Variants in MGAT4C observed in about 807,000 individuals in gnomAD.
MGAT4C encodes alpha-1,3-mannosyl-glycoprotein 4-beta-N-acetylglucosaminyltransferase C.
Under a neutral mutation model 40.1 loss-of-function variants are expected in MGAT4C, and 19 were observed. The ratio of observed to expected loss-of-function variants is 0.47; its 90% CI spans 0.33 to 0.70. MGAT4C has a LOEUF of 0.70. Among genes scored for constraint, MGAT4C ranks in the 30% least tolerant of loss-of-function variants. The pLI is 0.02. For missense variants in MGAT4C, 491 were observed against 563.2 expected (o/e 0.87, Z 1.30); for synonymous variants, 181 against 187.1 (o/e 0.97, Z 0.27).
Position 86,363,506 on chromosome 12 carries a change from A to T in MGAT4C, c.-119-29379T>A, listed in dbSNP as rs73389320. Among the ~76,000 whole-genome samples, 496 of 152,176 alleles carry T rather than the reference A, an allele frequency of 3.3e-3. 2 individuals carry two copies. Among genetic ancestry groups the T allele is most frequent in the African/African-American group, 0.012 (483 of 41,560 alleles). On this transcript the variant is annotated intron_variant, in intron 3 of 7. Transcript: ENST00000548651. ...ATAGCATTGAATGCTTACATTAGAAAAGAAAAAAATTCTCAAATCAGTAAC... is the reference window on the plus strand; with the variant it reads ...ATAGCATTGAATGCTTACATTAGAATAGAAAAAAATTCTCAAATCAGTAAC...
intron 1 of MGAT4C, among the ~76,000 whole-genome samples, chr12:86,057,553 T>C (rs557375532): frequency 3.9e-5 from 6 of 152,296 alleles, no homozygotes; most frequent in South Asian, 2.1e-4. Context: ...TCCATTTTCC[T>C]AGACAATACT....
chr12:86,601,487 C>T (rs1490072450), intron 2 of MGAT4C, among the ~76,000 whole-genome samples: 2 of 152,086 alleles, frequency 1.3e-5, no homozygotes, highest in Non-Finnish European at 2.9e-5. Flanking sequence ...ATAGCGGTTA[C>T]CTGTGTCCGG....
chr12:86,032,065 C>T lies in MGAT4C; in HGVS notation c.-7+17609G>A, dbSNP rs193150482. On this transcript the variant is annotated intron_variant, in intron 2 of 4. Coordinates refer to ENST00000611864, the MANE Select transcript of MGAT4C (RefSeq NM_001351288.2). Reference sequence around the variant, plus strand: ...GTTCACTTAGGATAATGGCCTCCATCTCCATCTGTGTTGCTGCAAAGGACA... The same window carrying T: ...GTTCACTTAGGATAATGGCCTCCATTTCCATCTGTGTTGCTGCAAAGGACA... 7.1e-3 allele frequency among the ~76,000 whole-genome samples: 1,080 copies of T among 151,984 alleles called. 14 individuals carry two copies. Among genetic ancestry groups the T allele is most frequent in the African/African-American group, 0.024 (1,005 of 41,496 alleles).
chr12:86,124,112 C>T (rs985056435), intron 1 of MGAT4C, among the ~76,000 whole-genome samples: 3 of 151,972 alleles, frequency 2.0e-5, no homozygotes, highest in Admixed American at 6.6e-5. Context: ...AAAGATAACA[C>T]GGACTGTATA....
intron 3 of MGAT4C, among the ~76,000 whole-genome samples, chr12:86,350,120 G>T (rs1024421481): frequency 6.6e-6 from 1 of 152,040 alleles, no homozygotes; most frequent in Admixed American, 6.6e-5. Context: ...TTTAGGGCTT[G>T]CTTCTCTTAT....
At chr12:86,438,052 A>C (rs945361832) in intron 2 of MGAT4C, among the ~76,000 whole-genome samples, 1 of 151,976 alleles carries the variant, frequency 6.6e-6, no homozygotes, top group African/African-American at 2.4e-5. Flanking sequence ...TTAGTGAGGA[A>C]GGCATGTCAA....
At position 86,097,991 on chromosome 12, in the gene MGAT4C, G is replaced by A. The variant is rs545403129; in HGVS notation, c.-56-48268C>T. Among the ~76,000 whole-genome samples the A allele has an allele frequency of 2.1e-4, 32 of 151,686 alleles. 1 individual carries two copies. In the South Asian group the frequency reaches 6.6e-3, roughly 31 times the overall value. On this transcript the variant is annotated intron_variant, in intron 1 of 4. Coordinates refer to ENST00000611864, the MANE Select transcript of MGAT4C (RefSeq NM_001351288.2). ...CCTGTCATTTGACACTCATCCTGAAGGAAGGAACACCTGCCTGAATTACAT... is the reference window on the plus strand; with the variant it reads ...CCTGTCATTTGACACTCATCCTGAAAGAAGGAACACCTGCCTGAATTACAT...
At position 86,482,787 on chromosome 12, in the gene MGAT4C, C is replaced by T. The variant is rs539895342; in HGVS notation, c.-228-47522G>A. Among the ~76,000 whole-genome samples the T allele has an allele frequency of 3.1e-4, 47 of 152,184 alleles. 1 individual carries two copies. In the East Asian group the frequency reaches 3.3e-3, roughly 11 times the overall value. On this transcript the variant is annotated intron_variant, in intron 2 of 7. Coordinates refer to the MGAT4C transcript ENST00000548651. Reference sequence around the variant, plus strand: ...GAAATTATAGTCATATATGATACAACGCATAATTTTCTTTAGGTCACAGAA... The same window carrying T: ...GAAATTATAGTCATATATGATACAATGCATAATTTTCTTTAGGTCACAGAA...
chr12:85,992,515 A>G (rs973801974), intron 2 of MGAT4C, among the ~76,000 whole-genome samples: 10 of 152,194 alleles, frequency 6.6e-5, no homozygotes, highest in African/African-American at 1.9e-4. Context: ...CAAGGTTCCC[A>G]TCTCTTCTTT....
intron 1 of MGAT4C, among the ~76,000 whole-genome samples, chr12:86,240,452 TAAC>T (rs1032958866): frequency 7.9e-5 from 12 of 152,224 alleles, no homozygotes; most frequent in African/African-American, 2.9e-4. Context: ...TGTGGGTTTT[TAAC>T]AACAATATTT....
At chr12:86,395,416 C>A (rs867328492) in intron 3 of MGAT4C, among the ~76,000 whole-genome samples, 1 of 152,072 alleles carries the variant, frequency 6.6e-6, no homozygotes, top group Non-Finnish European at 1.5e-5. Flanking sequence ...ACATTCAGGA[C>A]ATTTTTAAAT....
chr12:86,452,831 G>A (rs1957449067), intron 2 of MGAT4C, among the ~76,000 whole-genome samples: 2 of 152,140 alleles, frequency 1.3e-5, no homozygotes, highest in South Asian at 4.1e-4. Context: ...GACTGTATTT[G>A]TCTATTCAGA....
At chr12:86,514,310 G>T (rs940994226) in intron 2 of MGAT4C, among the ~76,000 whole-genome samples, 8 of 152,022 alleles carry the variant, frequency 5.3e-5, no homozygotes, top group Non-Finnish European at 1.0e-4. Flanking sequence ...TGCCAGAGGG[G>T]GATCTGTATC....
intron 2 of MGAT4C, among the ~76,000 whole-genome samples, chr12:86,517,648 GTTTGTTTA>G (rs1253852991): frequency 2.6e-5 from 4 of 151,854 alleles, no homozygotes; most frequent in East Asian, 1.9e-4. Context: ...TTGTTTGTTT[GTTTGTTTA>G]TTTATTTAGA....
In MGAT4C at chr12:85,980,410, A is replaced by G; in HGVS notation, c.316T>C (p.Ser106Pro). The stretch of plus-strand genomic sequence containing the variant: ...TTTCCTTTTTTTCGCTTTACTGAAG[A>G]AAGTCCAATTGTAAGATACCCTGCA... ...QRKRYLTIGL[S>P]SVKRKKGNYL... is the part of the protein sequence containing the mutation. The change falls in exon 5 of 5, where the codon TCT becomes CCT. Residue 106 changes from serine to proline, a missense_variant. Ser to Pro is a moderately conservative substitution (Grantham distance 74). Coordinates refer to ENST00000611864, the MANE Select transcript of MGAT4C (RefSeq NM_001351288.2). 6.2e-7 allele frequency: 1 copy of G among 1,602,252 alleles called. No individual in the cohort carries two copies. Among genetic ancestry groups the G allele is most frequent in the Non-Finnish European group, 8.5e-7 (1 of 1,174,752 alleles).
intron 3 of MGAT4C, among the ~76,000 whole-genome samples, chr12:86,375,483 T>G (rs1017027861): frequency 2.0e-5 from 3 of 152,104 alleles, no homozygotes; most frequent in Admixed American, 2.0e-4. Flanking sequence ...TTTTTTTTTC[T>G]TTATAGTTAA....
intron 3 of MGAT4C, among the ~76,000 whole-genome samples, chr12:85,984,320 C>A (rs1342666506): frequency 1.3e-5 from 2 of 151,972 alleles, no homozygotes; most frequent in African/African-American, 4.8e-5. Context: ...TACATTAGCA[C>A]CAAATTAAGG....
At chr12:86,355,001 C>T (rs914126123) in intron 3 of MGAT4C, among the ~76,000 whole-genome samples, 2 of 152,160 alleles carry the variant, frequency 1.3e-5, no homozygotes, top group African/African-American at 4.8e-5. Flanking sequence ...CTTATTTGTT[C>T]TCGCCCTTGT....
At chr12:86,353,795 C>T (rs1041361533) in intron 3 of MGAT4C, among the ~76,000 whole-genome samples, 1 of 152,160 alleles carries the variant, frequency 6.6e-6, no homozygotes, top group South Asian at 2.1e-4. Flanking sequence ...TTCCCTCTCT[C>T]TGCCTCTCTC....
Sources: gnomAD v4.1 joint callset for allele counts (sites outside exome capture counted in the v4.1 genomes callset) on GRCh38, gnomAD v4.1.1 for gene constraint, MANE v1.5 for transcripts, NCBI Gene and HGNC (gene_info 2026-07-23, HGNC 2026-07-21) for gene names.